ARMH3: variants seen among roughly 807,000 people sequenced by gnomAD.
ARMH3 encodes the protein armadillo like helical domain containing 3, also known as armadillo-like helical domain-containing protein 3.
A neutral mutation model predicts 99.1 loss-of-function variants in ARMH3; 60 were observed. The observed-to-expected ratio is 0.61, with a 90% CI of 0.49 to 0.75. ARMH3 has a LOEUF of 0.75. ARMH3 is among the 30% of genes least tolerant of loss of function. The pLI is 0.00. For synonymous variants in ARMH3, 285 were observed against 292.8 expected, an observed-to-expected ratio of 0.97 and a Z score of 0.27; for missense variants, 679 against 843.1, an observed-to-expected ratio of 0.81 and a Z score of 2.41.
chr10:101,876,374 T>C (rs1001692536), intron 24 of ARMH3, among the ~76,000 whole-genome samples: 2 of 151,518 alleles, frequency 1.3e-5, no homozygotes, highest in African/African-American at 4.9e-5. Context: ...CTTGGAAACA[T>C]CACATCTAAG....
chr10:102,036,060 C>T (rs572642826), intron 2 of ARMH3, among the ~76,000 whole-genome samples: 6 of 150,316 alleles, frequency 4.0e-5, no homozygotes, highest in South Asian at 2.1e-4. Context: ...CCGGCCGCCC[C>T]GTCTGGGAAG....
At chr10:101,880,275 G>A (rs1249169666) in intron 24 of ARMH3, among the ~76,000 whole-genome samples, 5 of 152,142 alleles carry the variant, frequency 3.3e-5, no homozygotes, top group East Asian at 3.8e-4. Flanking sequence ...GTGATGGTTC[G>A]GGTCCTGTTC....
intron 23 of ARMH3, among the ~76,000 whole-genome samples, chr10:101,921,903 C>G (rs1421595427): frequency 6.6e-6 from 1 of 152,070 alleles, no homozygotes; most frequent in Non-Finnish European, 1.5e-5. Flanking sequence ...AGAAGGAATA[C>G]GTTCTAATGT....
At chr10:101,882,056 A>C (rs1374160715) in intron 24 of ARMH3, among the ~76,000 whole-genome samples, 3 of 152,216 alleles carry the variant, frequency 2.0e-5, no homozygotes, top group African/African-American at 7.2e-5. Context: ...TGATAGCAAA[A>C]GCCCTTTTGT....
intron 19 of ARMH3, among the ~76,000 whole-genome samples, chr10:101,976,404 T>TCC (rs1846013473): frequency 7.8e-6 from 1 of 128,472 alleles, no homozygotes; most frequent in Admixed American, 8.2e-5. Flanking sequence ...TCTCTCTCTC[T>TCC]CTCTCTCTCA....
At chr10:101,876,180 C>T (rs1277624093) in intron 24 of ARMH3, among the ~76,000 whole-genome samples, 3 of 126,738 alleles carry the variant, frequency 2.4e-5, no homozygotes, top group South Asian at 2.7e-4. Flanking sequence ...ACCCGGAAGG[C>T]GGAGATTGCA....
At chr10:101,957,577 T>C (rs1188934469) in intron 21 of ARMH3, 73 bp downstream of exon 21, 6 of 1,495,150 alleles carry the variant, frequency 4.0e-6, no homozygotes, top group Non-Finnish European at 5.4e-6. Flanking sequence ...GACCACCAGC[T>C]CCTGTTTCAA....
intron 1 of ARMH3, among the ~76,000 whole-genome samples, chr10:102,051,218 A>G (rs1306180773): frequency 6.6e-6 from 1 of 151,964 alleles, no homozygotes; most frequent in East Asian, 1.9e-4. Context: ...CATGCCTGTA[A>G]TATCAGCACT....
intron 5 of ARMH3, chr10:102,029,437 C>T: frequency 6.5e-7 from 1 of 1,540,058 alleles, no homozygotes; most frequent in Non-Finnish European, 8.8e-7. Flanking sequence ...GAAAGAATAC[C>T]TCCATTCAAA....
chr10:101,906,715 G>A (rs900140671), intron 23 of ARMH3, among the ~76,000 whole-genome samples: 27 of 152,140 alleles, frequency 1.8e-4, no homozygotes, highest in Non-Finnish European at 3.4e-4. Context: ...TAGGGGTAGG[G>A]CAATAAGGCA....
At chr10:102,029,549 A>T in intron 5 of ARMH3, 89 bp downstream of exon 5, 1 of 1,613,138 alleles carries the variant, frequency 6.2e-7, no homozygotes. Context: ...TCTGAGTCCA[A>T]ATCTTTGAGT....
chr10:101,896,076 A>C (rs1163074173), intron 23 of ARMH3, among the ~76,000 whole-genome samples: 1 of 152,102 alleles, frequency 6.6e-6, no homozygotes, highest in Non-Finnish European at 1.5e-5. Context: ...AATTACAAAA[A>C]AAAAATTAGC....
chr10:101,987,363 G>C (rs1165394078), intron 19 of ARMH3, among the ~76,000 whole-genome samples: 1 of 152,146 alleles, frequency 6.6e-6, no homozygotes, highest in Admixed American at 6.5e-5. Flanking sequence ...TCATGACTCA[G>C]GTCAAATGCA....
At chr10:102,002,960 C>CAAAT (rs72287750) in intron 14 of ARMH3, among the ~76,000 whole-genome samples, 30,469 of 135,898 alleles carry the variant, frequency 0.22, 3,644 homozygotes, top group South Asian at 0.3. Flanking sequence ...GACTCTGTCA[C>CAAAT]AAATAAATAA....
chr10:101,918,633 T>C (rs1481686144), intron 23 of ARMH3, among the ~76,000 whole-genome samples: 1 of 152,202 alleles, frequency 6.6e-6, no homozygotes, highest in African/African-American at 2.4e-5. Flanking sequence ...GAAGCAACAG[T>C]ATGGCCTGAT....
At chr10:101,858,925 A>C (rs889891981) in intron 24 of ARMH3, among the ~76,000 whole-genome samples, 1 of 152,250 alleles carries the variant, frequency 6.6e-6, no homozygotes, top group Admixed American at 6.5e-5. Context: ...AGGCCCAACC[A>C]AAAAAGAAAG....
intron 22 of ARMH3, among the ~76,000 whole-genome samples, chr10:101,944,273 TAGAGAGAGAGAGAGAGAGAGAGAGAGAG>T (rs55633048): frequency 4.3e-4 from 11 of 25,402 alleles, no homozygotes; most frequent in African/African-American, 2.0e-3. Flanking sequence ...TATATATATA[TAGAGAGAGAGAGAGAGAGAGAGAGAGAG>T]AGAGAGAGAG....
intron 9 of ARMH3, among the ~76,000 whole-genome samples, 188 bp from the exon 10 acceptor site, chr10:102,013,064 G>A (rs192558029): frequency 1.2e-4 from 19 of 152,298 alleles, no homozygotes; most frequent in East Asian, 1.2e-3. Flanking sequence ...AAGACTTTTC[G>A]TATCTAATTA....
At chr10:101,975,396 T>A in intron 19 of ARMH3, 96 bp from the exon 20 acceptor site, 1 of 880,932 alleles carries the variant, frequency 1.1e-6, no homozygotes, top group Non-Finnish European at 1.9e-6. Context: ...CTAAGGCCAC[T>A]AAAGACACTG....
Sources: allele counts gnomAD v4.1 joint callset (sites outside exome capture counted in the v4.1 genomes callset), GRCh38; gene constraint gnomAD v4.1.1; transcripts MANE v1.5; gene names NCBI Gene and HGNC (gene_info 2026-07-23, HGNC 2026-07-21).